Variants in CSTPP1 observed in about 807,000 individuals in gnomAD.
CSTPP1 encodes centriolar satellite-associated tubulin polyglutamylase complex regulator 1.
At chr11:47,097,035 C>T in the CSTPP1 span, among the ~76,000 whole-genome samples, 4 of 151,928 alleles carry the variant, frequency 2.6e-5, no homozygotes, top group African/African-American at 9.7e-5. Context: ...CCAGCCACCC[C>T]GTCCGGGAGG....
At chr11:46,975,657 G>T in the CSTPP1 span, among the ~76,000 whole-genome samples, 951 of 152,190 alleles carry the variant, frequency 6.2e-3, 14 homozygotes, top group African/African-American at 0.022. Flanking sequence ...ACAGAAATAT[G>T]GAAAACTTTA....
At chr11:47,058,925 TA>T in the CSTPP1 span, among the ~76,000 whole-genome samples, 1 of 152,076 alleles carries the variant, frequency 6.6e-6, no homozygotes, top group Non-Finnish European at 1.5e-5. Context: ...GAAGAAACAG[TA>T]GCATAGGAAC....
the CSTPP1 span, among the ~76,000 whole-genome samples, chr11:47,122,581 TTTTA>T: frequency 2.2e-4 from 33 of 152,164 alleles, no homozygotes; most frequent in Non-Finnish European, 4.3e-4. Context: ...AATAATTCTT[TTTTA>T]TTTTTTATTT....
chr11:47,081,880 C>T, the CSTPP1 span, among the ~76,000 whole-genome samples: 9 of 151,232 alleles, frequency 6.0e-5, no homozygotes, highest in Admixed American at 5.9e-4. Context: ...TGCTTGAACC[C>T]AGGAGTTCAA....
the CSTPP1 span, among the ~76,000 whole-genome samples, chr11:46,974,247 G>A: frequency 6.6e-6 from 1 of 152,118 alleles, no homozygotes; most frequent in East Asian, 1.9e-4. Flanking sequence ...AATGAAACAG[G>A]CCTGGCGCAG....
chr11:47,077,197 T>G, the CSTPP1 span, among the ~76,000 whole-genome samples: 1 of 22,952 alleles, frequency 4.4e-5, no homozygotes, highest in South Asian at 1.8e-3. Flanking sequence ...GATAAAGTTG[T>G]TTTTTTTTTT....
chr11:46,973,625 T>C, the CSTPP1 span, among the ~76,000 whole-genome samples: 1 of 152,234 alleles, frequency 6.6e-6, no homozygotes, highest in East Asian at 1.9e-4. Context: ...CTCAACTGAA[T>C]CAGTCCCATT....
chr11:47,040,448 T>C, the CSTPP1 span, among the ~76,000 whole-genome samples: 2 of 126,540 alleles, frequency 1.6e-5, no homozygotes, highest in African/African-American at 5.0e-5. Flanking sequence ...CCTGTTGTGC[T>C]GGACCCCTAT....
chr11:46,977,414 C>T, the CSTPP1 span, among the ~76,000 whole-genome samples: 7 of 152,168 alleles, frequency 4.6e-5, no homozygotes, highest in African/African-American at 1.7e-4. Context: ...CTGCTGACTC[C>T]GCCTGAAAAA....
the CSTPP1 span, among the ~76,000 whole-genome samples, chr11:47,105,790 C>G: frequency 6.6e-6 from 1 of 152,188 alleles, no homozygotes; most frequent in African/African-American, 2.4e-5. Flanking sequence ...ATCTCAGAGC[C>G]AAGCACATAA....
At chr11:46,943,317 A>T in the CSTPP1 span, among the ~76,000 whole-genome samples, 1 of 152,256 alleles carries the variant, frequency 6.6e-6, no homozygotes, top group Admixed American at 6.5e-5. Context: ...ACACAAAGAT[A>T]CCAAATAACA....
the CSTPP1 span, among the ~76,000 whole-genome samples, chr11:47,063,466 T>G: frequency 6.6e-6 from 1 of 152,180 alleles, no homozygotes; most frequent in Non-Finnish European, 1.5e-5. Context: ...TCAGTAGCCA[T>G]TAAACAATGA....
the CSTPP1 span, among the ~76,000 whole-genome samples, chr11:47,044,148 G>A: frequency 6.6e-6 from 1 of 151,870 alleles, no homozygotes; most frequent in Non-Finnish European, 1.5e-5. Context: ...CATCACGCCT[G>A]GCTAATTTTT....
chr11:47,145,763 C>G, the CSTPP1 span, among the ~76,000 whole-genome samples: 1 of 152,160 alleles, frequency 6.6e-6, no homozygotes, highest in Non-Finnish European at 1.5e-5. Context: ...TCCTGAGTAG[C>G]TAGGACCATA....
chr11:47,098,336 TAAAAAATAAA>T, the CSTPP1 span, among the ~76,000 whole-genome samples: 1 of 149,380 alleles, frequency 6.7e-6, no homozygotes, highest in African/African-American at 2.4e-5. Context: ...AATAAATAAA[TAAAAAATAAA>T]AAAAAATAAA....
chr11:46,993,743 T>A, the CSTPP1 span, among the ~76,000 whole-genome samples: 6 of 152,160 alleles, frequency 3.9e-5, no homozygotes, highest in Non-Finnish European at 8.8e-5. Flanking sequence ...TGGCTTAGGA[T>A]TGTCTTGGAA....
chr11:47,157,089 T>C, the CSTPP1 span: 2 of 1,614,032 alleles, frequency 1.2e-6, no homozygotes, highest in Middle Eastern at 1.6e-4. Flanking sequence ...AACACAGTGA[T>C]TGTGCCGACG....
chr11:47,068,946 C>G, the CSTPP1 span, among the ~76,000 whole-genome samples: 1 of 151,768 alleles, frequency 6.6e-6, no homozygotes, highest in African/African-American at 2.4e-5. Flanking sequence ...TTTACAGTTG[C>G]AAATATATAT....
chr11:46,949,646 C>T, the CSTPP1 span, among the ~76,000 whole-genome samples: 1 of 151,318 alleles, frequency 6.6e-6, no homozygotes, highest in East Asian at 1.9e-4. Flanking sequence ...TCTTATCTTT[C>T]CTAGGATGGT....
Sources: allele counts gnomAD v4.1 joint callset (sites outside exome capture counted in the v4.1 genomes callset), GRCh38; gene constraint gnomAD v4.1.1; transcripts MANE v1.5; gene names NCBI Gene and HGNC (gene_info 2026-07-23, HGNC 2026-07-21).